MAPKAPK5: variants seen among roughly 807,000 people sequenced by gnomAD.
The protein encoded by MAPKAPK5 is MAP kinase-activated protein kinase 5.
MAPKAPK5 carries 30 observed loss-of-function variants against 65.1 expected under a neutral mutation model. The ratio of observed to expected loss-of-function variants is 0.46; its 90% CI spans 0.34 to 0.63. MAPKAPK5 has a LOEUF of 0.63. Among genes scored for constraint, MAPKAPK5 ranks in the 20% least tolerant of loss-of-function variants. The probability of loss-of-function intolerance (pLI) is 0.01; values close to 1 mark genes in which losing one functional copy is unlikely to be tolerated. For synonymous variants in MAPKAPK5, 179 were observed against 204.6 expected, an observed-to-expected ratio of 0.87 and a Z score of 1.07; for missense variants, 433 against 581.4, an observed-to-expected ratio of 0.74 and a Z score of 2.63.
At chr12:111,844,406 TG>T (rs1273607242) in intron 1 of MAPKAPK5, among the ~76,000 whole-genome samples, 3 of 152,134 alleles carry the variant, frequency 2.0e-5, no homozygotes, top group African/African-American at 7.2e-5. Flanking sequence ...TTAGCCAGGA[TG>T]GTCTCCATCT....
intron 10 of MAPKAPK5, among the ~76,000 whole-genome samples, chr12:111,886,823 C>T (rs1410539775): frequency 1.3e-5 from 2 of 152,100 alleles, no homozygotes; most frequent in East Asian, 1.9e-4. Flanking sequence ...TCAGACTTGG[C>T]GACTTGCAGA....
At chr12:111,851,705 G>T (rs1015260820) in intron 1 of MAPKAPK5, among the ~76,000 whole-genome samples, 1 of 152,208 alleles carries the variant, frequency 6.6e-6, no homozygotes, top group Non-Finnish European at 1.5e-5. Context: ...ATAGAATGTA[G>T]TGAAAGTCTA....
chr12:111,886,166 T>A, intron 10 of MAPKAPK5, 130 bp downstream of exon 10: 1 of 1,332,194 alleles, frequency 7.5e-7, no homozygotes, highest in Non-Finnish European at 1.0e-6. Flanking sequence ...ACATCTCTGG[T>A]TTCCTGAGAG....
rs1181749245 is a variant in MAPKAPK5 at position 111,898,000 on chromosome 12, A to AAT, written c.*4941_*4942dup. 1 of 151,856 alleles carries AAT rather than the reference A, an allele frequency of 6.6e-6. No individual in the cohort carries two copies. 9.4% of individuals were successfully genotyped at this position (151,856 alleles called of 1,614,324 possible). On this transcript the variant is annotated 3_prime_UTR_variant, in exon 14 of 14. Transcript: ENST00000550735. The stretch of plus-strand genomic sequence containing the variant: ...TTTTCCTTTTAAATTTGTACTGCTA[A>AAT]ATACACCAAGGAAATTGACATCAAA...
chr12:111,881,402 C>CTTTTTTTTTTTTTTTTTTTTTT lies in MAPKAPK5; in HGVS notation c.660+875_660+876insTTTTTTTTTTTTTTTTTTTTTT, dbSNP rs1274226182. 8.7e-4 allele frequency among the ~76,000 whole-genome samples: 102 copies of CTTTTTTTTTTTTTTTTTTTTTT among 116,720 alleles called. 16 individuals are homozygous for CTTTTTTTTTTTTTTTTTTTTTT. The highest frequency in any genetic ancestry group is 5.8e-3 in the Middle Eastern group (1 of 172). The allele number at this position is 116,720 out of a possible 152,430, so 76.6% of individuals were successfully genotyped here. A position where few individuals can be genotyped will look rare whatever the true frequency, so the allele number is the denominator to read the frequency against. ...AGCCCACATATTGATCCTGTCTGTT[C>CTTTTTTTTTTTTTTTTTTTTTT]CTTTTTTTTTTTTTTTTTTTGAGAC... On this transcript the variant is annotated intron_variant, in intron 8 of 13. Transcript: ENST00000550735.
chr12:111,862,201 T>C (rs965462776), intron 1 of MAPKAPK5, among the ~76,000 whole-genome samples: 6 of 152,170 alleles, frequency 3.9e-5, no homozygotes, highest in African/African-American at 9.6e-5. Flanking sequence ...AGCTGGCTAG[T>C]GTTTATGGCA....
chr12:111,843,033 T>G (rs1019846978), intron 1 of MAPKAPK5: 7 of 399,140 alleles, frequency 1.8e-5, no homozygotes, highest in Non-Finnish European at 3.1e-5. Flanking sequence ...CTGGAGACAC[T>G]ATTAAGTGTC....
chr12:111,863,870 G>A (rs772615037), intron 1 of MAPKAPK5, among the ~76,000 whole-genome samples: 1 of 152,104 alleles, frequency 6.6e-6, no homozygotes, highest in Non-Finnish European at 1.5e-5. Flanking sequence ...CTCCCAAAGT[G>A]CTGGGATTAC....
chr12:111,897,693 A>G lies in MAPKAPK5; in HGVS notation c.*4632A>G, dbSNP rs2070869791. The G allele has an allele frequency of 6.6e-6, 1 of 152,220 alleles. No homozygotes were observed. The highest frequency in any genetic ancestry group is 1.9e-4 in the East Asian group (1 of 5,202). 9.4% of individuals were successfully genotyped at this position (152,220 alleles called of 1,614,324 possible). A position where few individuals can be genotyped will look rare whatever the true frequency, so the allele number is the denominator to read the frequency against. The stretch of plus-strand genomic sequence containing the variant: ...ATTTTTTTAGTGGGTTTGTGACAGT[A>G]TAAATTTTCTTGCTAGATGCTAATG... On this transcript the variant is annotated 3_prime_UTR_variant, in exon 14 of 14. Transcript: ENST00000550735.
intron 1 of MAPKAPK5, among the ~76,000 whole-genome samples, chr12:111,844,480 C>T (rs2068842839): frequency 6.6e-6 from 1 of 152,162 alleles, no homozygotes; most frequent in South Asian, 2.1e-4. Flanking sequence ...TGTGAGCCAC[C>T]GCGCCCAGCC....
At chr12:111,857,324 C>T (rs963909430) in intron 1 of MAPKAPK5, among the ~76,000 whole-genome samples, 14 of 151,600 alleles carry the variant, frequency 9.2e-5, no homozygotes, top group Non-Finnish European at 1.3e-4. Context: ...TCACTGCAAC[C>T]TCCACCTCCC....
intron 13 of MAPKAPK5, among the ~76,000 whole-genome samples, chr12:111,890,352 G>A (rs564395030): frequency 1.0e-3 from 153 of 152,170 alleles, no homozygotes; most frequent in Non-Finnish European, 1.6e-3. Flanking sequence ...CTTATTTTCC[G>A]GAGTTCAAGT....
At chr12:111,845,845 C>T (rs1458062511) in intron 1 of MAPKAPK5, among the ~76,000 whole-genome samples, 1 of 152,098 alleles carries the variant, frequency 6.6e-6, no homozygotes, top group African/African-American at 2.4e-5. Context: ...ATCGCTTGAA[C>T]CTGGGGGGCA....
chr12:111,880,210 A>C (rs557193937), intron 7 of MAPKAPK5: 17 of 510,826 alleles, frequency 3.3e-5, no homozygotes, highest in Non-Finnish European at 5.7e-5. Context: ...GAAGAGAGGA[A>C]TCTCCTCTAG....
At chr12:111,865,219 C>A in intron 1 of MAPKAPK5, 31 bp from the exon 2 acceptor site, 1 of 1,396,574 alleles carries the variant, frequency 7.2e-7, no homozygotes, top group Non-Finnish European at 9.9e-7. Flanking sequence ...AGGAATCATT[C>A]TCTGTCCTCT....
intron 1 of MAPKAPK5, among the ~76,000 whole-genome samples, chr12:111,857,503 C>T (rs1392028341): frequency 6.6e-6 from 1 of 152,154 alleles, no homozygotes; most frequent in Non-Finnish European, 1.5e-5. Flanking sequence ...TCCCTCCCAT[C>T]TTGGCCTACC....
At chr12:111,891,522 G>A (rs905451153) in intron 13 of MAPKAPK5, among the ~76,000 whole-genome samples, 3 of 150,832 alleles carry the variant, frequency 2.0e-5, no homozygotes, top group African/African-American at 7.3e-5. Flanking sequence ...GGCCAGGCAC[G>A]ATGGGTCACG....
At position 111,874,825 on chromosome 12, in the gene MAPKAPK5, A is replaced by C. The variant is rs34978615; in HGVS notation, c.579+3645A>C. Among the ~76,000 whole-genome samples, 502 of 137,712 alleles carry C rather than the reference A, an allele frequency of 3.6e-3. 1 individual carries two copies. The highest frequency in any genetic ancestry group is 5.5e-3 in the Non-Finnish European group (364 of 65,886). 90.3% of individuals were successfully genotyped at this position (137,712 alleles called of 152,430 possible). ...AGGCTTGCTCTGTTGCCCAGGCTGG[A>C]GTGCAGTGGCGCAATCTCGGCTCAC... On this transcript the variant is annotated intron_variant, in intron 7 of 13. Coordinates refer to ENST00000550735, the MANE Select transcript of MAPKAPK5 (RefSeq NM_003668.4).
At chr12:111,867,031 G>T (rs972268938) in intron 3 of MAPKAPK5, among the ~76,000 whole-genome samples, 1 of 152,188 alleles carries the variant, frequency 6.6e-6, no homozygotes, top group African/African-American at 2.4e-5. Flanking sequence ...TTAAGCTCAA[G>T]TGATCCTTCT....
Sources: allele counts gnomAD v4.1 joint callset (sites outside exome capture counted in the v4.1 genomes callset), GRCh38; gene constraint gnomAD v4.1.1; transcripts MANE v1.5; gene names NCBI Gene and HGNC (gene_info 2026-07-23, HGNC 2026-07-21).